Variants in SLCO3A1 observed in about 807,000 individuals in gnomAD.
The protein encoded by SLCO3A1 is solute carrier organic anion transporter family member 3A1, also known as PGE1 transporter.
In SLCO3A1, 27 loss-of-function variants were observed where a neutral mutation model predicts 63.1. The ratio of observed to expected loss-of-function variants is 0.43; its 90% confidence interval spans 0.32 to 0.59. SLCO3A1 has a LOEUF of 0.59. Among genes scored for constraint, SLCO3A1 ranks in the 20% least tolerant of loss-of-function variants. The pLI is 0.09. For synonymous variants in SLCO3A1, 473 were observed against 409.9 expected (o/e 1.15, Z -1.86); for missense variants, 773 against 945.8 (o/e 0.82, Z 2.40).
At chr15:92,072,328 GGTT>G (rs945615229) in intron 2 of SLCO3A1, among the ~76,000 whole-genome samples, 5 of 149,020 alleles carry the variant, frequency 3.4e-5, no homozygotes, top group Admixed American at 6.7e-5. Context: ...CTTTTTTGGT[GGTT>G]GTTGTTGTCG....
chr15:92,061,137 A>T (rs1468985924), intron 2 of SLCO3A1, among the ~76,000 whole-genome samples: 7 of 152,234 alleles, frequency 4.6e-5, no homozygotes, highest in Non-Finnish European at 7.3e-5. Flanking sequence ...TTTGTGAATT[A>T]GCATTTTCCC....
chr15:91,987,816 T>C (rs936002987), intron 2 of SLCO3A1, among the ~76,000 whole-genome samples: 3 of 151,824 alleles, frequency 2.0e-5, no homozygotes, highest in African/African-American at 7.3e-5. Context: ...TGATGGATTC[T>C]CAAAGAGCTC....
intron 2 of SLCO3A1, among the ~76,000 whole-genome samples, chr15:92,019,055 G>T (rs1185057326): frequency 6.7e-6 from 1 of 149,362 alleles, no homozygotes; most frequent in African/African-American, 2.5e-5. Context: ...AACGAGGCAG[G>T]TGTGTGCGTC....
At chr15:92,117,176 C>A (rs973815461) in intron 4 of SLCO3A1, among the ~76,000 whole-genome samples, 2 of 152,204 alleles carry the variant, frequency 1.3e-5, no homozygotes, top group Non-Finnish European at 2.9e-5. Flanking sequence ...CATCCCCAAA[C>A]AAATCATGAT....
Position 92,064,697 on chromosome 15 carries a change from A to T in SLCO3A1, c.647-30184A>T, listed in dbSNP as rs1045301669. Among the ~76,000 whole-genome samples, 31 of 152,256 alleles carry T rather than the reference A, an allele frequency of 2.0e-4. 1 individual carries two copies. Among genetic ancestry groups the T allele is most frequent in the African/African-American group, 7.5e-4 (31 of 41,462 alleles). ...CACAATGGAATATTATTCAGCCAAA[A>T]AAAGGAATTAAATTCTGTCATTTGC... is the stretch of plus-strand genomic sequence containing the variant. On this transcript the variant is annotated intron_variant, in intron 2 of 9. Transcript: ENST00000318445.
chr15:91,887,303 A>G (rs1260589456), intron 1 of SLCO3A1, among the ~76,000 whole-genome samples: 1 of 151,882 alleles, frequency 6.6e-6, no homozygotes, highest in Non-Finnish European at 1.5e-5. Context: ...GAATGGCTTG[A>G]GCTATTTCCT....
chr15:92,035,035 G>A (rs973742035), intron 2 of SLCO3A1, among the ~76,000 whole-genome samples: 3 of 151,908 alleles, frequency 2.0e-5, no homozygotes, highest in Admixed American at 1.3e-4. Flanking sequence ...CATAGTTAAA[G>A]AGGCAGGGCA....
At chr15:91,963,311 G>A (rs1248832545) in intron 2 of SLCO3A1, among the ~76,000 whole-genome samples, 1 of 149,524 alleles carries the variant, frequency 6.7e-6, no homozygotes, top group Non-Finnish European at 1.5e-5. Flanking sequence ...CAGTCAGTCA[G>A]TGCTGAGACA....
rs1165057126 is a variant in SLCO3A1, at chr15:91,942,920, T to C, written c.646+26462T>C. On this transcript the variant is annotated intron_variant, in intron 2 of 9. Coordinates refer to ENST00000318445, the MANE Select transcript of SLCO3A1 (RefSeq NM_013272.4). The surrounding 1 kb of genome is among the most constrained non-coding windows in gnomAD (Gnocchi z 4.1). ...TATTGATCAGACAGAGCAGAACTGCTCTGCCCGAGTGGGCGTGGGGCCCAG... is the reference window on the plus strand; with the variant it reads ...TATTGATCAGACAGAGCAGAACTGCCCTGCCCGAGTGGGCGTGGGGCCCAG... 1.3e-5 allele frequency among the ~76,000 whole-genome samples: 2 copies of C among 152,190 alleles called. No individual in the cohort carries two copies.
chr15:91,970,289 T>C (rs1271302704), intron 2 of SLCO3A1, among the ~76,000 whole-genome samples: 1 of 152,208 alleles, frequency 6.6e-6, no homozygotes, highest in Non-Finnish European at 1.5e-5. Context: ...ATGCCTGTCT[T>C]TGGGCTCTGT....
intron 2 of SLCO3A1, among the ~76,000 whole-genome samples, chr15:91,929,223 G>A (rs940836576): frequency 4.6e-5 from 7 of 152,210 alleles, no homozygotes; most frequent in Non-Finnish European, 8.8e-5. Flanking sequence ...TTACACGATG[G>A]ATGGATTGGG....
At chr15:92,063,595 C>G (rs1490938820) in intron 2 of SLCO3A1, among the ~76,000 whole-genome samples, 1 of 152,162 alleles carries the variant, frequency 6.6e-6, no homozygotes, top group African/African-American at 2.4e-5. Flanking sequence ...TGTGGTGGCT[C>G]ATACCTGTAA....
chr15:92,013,258 A>T (rs762632026), intron 2 of SLCO3A1, among the ~76,000 whole-genome samples: 1 of 152,248 alleles, frequency 6.6e-6, no homozygotes. Flanking sequence ...TTCTCTCGGC[A>T]GCATGGATTG....
At chr15:92,014,013 C>T (rs2046397655) in intron 2 of SLCO3A1, among the ~76,000 whole-genome samples, 1 of 152,148 alleles carries the variant, frequency 6.6e-6, no homozygotes, top group Non-Finnish European at 1.5e-5. Context: ...ACTCCCACCC[C>T]CATCTTTTCT....
chr15:92,157,449 G>A (rs1035066837), intron 9 of SLCO3A1, among the ~76,000 whole-genome samples: 7 of 151,668 alleles, frequency 4.6e-5, no homozygotes, highest in African/African-American at 1.7e-4. Flanking sequence ...CTCCCTTCTG[G>A]ACACACCTGA....
intron 2 of SLCO3A1, among the ~76,000 whole-genome samples, chr15:92,090,580 C>T (rs969667437): frequency 6.6e-6 from 1 of 152,178 alleles, no homozygotes; most frequent in Non-Finnish European, 1.5e-5. Context: ...GGACTCCGGA[C>T]ATCCAGTCAG....
chr15:92,171,460 A>T (rs2048521052), intron 10 of SLCO3A1: 1 of 244,340 alleles, frequency 4.1e-6, no homozygotes, highest in African/African-American at 2.2e-5. Flanking sequence ...TGTCACTAGT[A>T]ATTTACATAA....
chr15:92,008,852 G>A (rs2046339825), intron 2 of SLCO3A1, among the ~76,000 whole-genome samples: 1 of 152,230 alleles, frequency 6.6e-6, no homozygotes, highest in East Asian at 1.9e-4. Context: ...AATCTGCTTT[G>A]GATAGCATCA....
At position 91,900,753 on chromosome 15, in the gene SLCO3A1, G is replaced by A. The variant is rs1352829886; in HGVS notation, c.181-15240G>A. 6.6e-6 allele frequency among the ~76,000 whole-genome samples: 1 copy of A among 152,146 alleles called. No individual in the cohort carries two copies. Among genetic ancestry groups the A allele is most frequent in the Non-Finnish European group, 1.5e-5 (1 of 68,026 alleles). On this transcript the variant is annotated intron_variant, in intron 1 of 9. Coordinates refer to ENST00000318445, the MANE Select transcript of SLCO3A1 (RefSeq NM_013272.4). This position sits in a 1 kb window ranked among gnomAD's most constrained non-coding sequence, Gnocchi z 4.3. Reference sequence around the variant, plus strand: ...CTTTTCAAATGCTTATTAGACATTTGTATATCTTCCTTGGTGAAATATCTC... The same window carrying A: ...CTTTTCAAATGCTTATTAGACATTTATATATCTTCCTTGGTGAAATATCTC...
Sources: allele counts gnomAD v4.1 joint callset (sites outside exome capture counted in the v4.1 genomes callset), GRCh38; gene constraint gnomAD v4.1.1; non-coding constraint Gnocchi (gnomAD v3.1); transcripts MANE v1.5; gene names NCBI Gene and HGNC (gene_info 2026-07-23, HGNC 2026-07-21).